The following AFF2 variants were observed in gnomAD, a reference collection of about 807,000 sequenced individuals.
The protein encoded by AFF2 is AF4/FMR2 family member 2.
In AFF2, 14 loss-of-function variants were observed where a neutral mutation model predicts 76.9. The ratio of observed to expected loss-of-function variants is 0.18; its 90% CI spans 0.12 to 0.28. The LOEUF (loss-of-function observed/expected upper bound fraction) is 0.28. Among genes scored for constraint, AFF2 ranks in the 10% least tolerant of loss-of-function variants. The pLI is 1.00. For synonymous variants in AFF2, 398 were observed against 366.7 expected (o/e 1.09, Z -0.98); for missense variants, 868 against 1,001.1 (o/e 0.87, Z 1.79).
At chrX:148,916,041 A>G (rs1200106075) in intron 9 of AFF2, among the ~76,000 whole-genome samples, 5 of 111,240 alleles carry the variant, frequency 4.5e-5, no homozygotes, top group Non-Finnish European at 9.4e-5. Flanking sequence ...CACCCTTACA[A>G]TGACACAGCA....
At chrX:148,785,173 C>G (rs2069802322) in intron 3 of AFF2, among the ~76,000 whole-genome samples, 2 of 112,180 alleles carry the variant, frequency 1.8e-5, no homozygotes, top group African/African-American at 6.5e-5. Flanking sequence ...GTTTGTAGGG[C>G]TCGCTCTACT....
chrX:148,519,655 T>C (rs1361889471), intron 1 of AFF2, among the ~76,000 whole-genome samples: 3 of 112,410 alleles, frequency 2.7e-5, no homozygotes, highest in East Asian at 5.6e-4. Context: ...AATAAGTTAA[T>C]AAGAATGTTT....
chrX:148,886,014 G>A (rs34463921), intron 8 of AFF2, 29 bp downstream of exon 8: 53,012 of 1,096,126 alleles, frequency 0.048, 1,027 homozygotes, highest in Non-Finnish European at 0.058. Flanking sequence ...TTTGTTTTGG[G>A]ATGAAGGGGG....
At chrX:148,699,135 G>A (rs1490954535) in intron 3 of AFF2, among the ~76,000 whole-genome samples, 3 of 112,095 alleles carry the variant, frequency 2.7e-5, no homozygotes, top group African/African-American at 6.5e-5. Context: ...TGTGAGAAGA[G>A]ATTAACAGGG....
At chrX:148,591,696 G>A (rs782062549) in intron 1 of AFF2, among the ~76,000 whole-genome samples, 15 of 111,954 alleles carry the variant, frequency 1.3e-4, no homozygotes, top group Non-Finnish European at 2.3e-4. Flanking sequence ...CCAAGATTAC[G>A]TTTTGTGTAA....
At chrX:148,528,992 C>T (rs1238364372) in intron 1 of AFF2, among the ~76,000 whole-genome samples, 1 of 111,957 alleles carries the variant, frequency 8.9e-6, no homozygotes, top group Non-Finnish European at 1.9e-5. Context: ...CCTTAAGAAA[C>T]ATCTTCTGTT....
intron 1 of AFF2, among the ~76,000 whole-genome samples, chrX:148,594,463 A>G (rs1557247040): frequency 8.9e-6 from 1 of 111,758 alleles, no homozygotes; most frequent in Non-Finnish European, 1.9e-5. Context: ...GATTGATCAC[A>G]TGCCTCTAAT....
intron 1 of AFF2, among the ~76,000 whole-genome samples, chrX:148,534,339 C>T (rs1476756752): frequency 8.9e-6 from 1 of 112,287 alleles, no homozygotes; most frequent in Admixed American, 9.4e-5. Flanking sequence ...TCTGTGACTA[C>T]CATGAAGATC....
intron 9 of AFF2, among the ~76,000 whole-genome samples, chrX:148,944,884 T>C (rs1557285961): frequency 9.0e-6 from 1 of 111,340 alleles, no homozygotes; most frequent in Admixed American, 9.5e-5. Flanking sequence ...ATAGTATCCT[T>C]AAAACTATTT....
chrX:148,936,635 T>G (rs1557285056), intron 9 of AFF2, among the ~76,000 whole-genome samples: 2 of 112,612 alleles, frequency 1.8e-5, no homozygotes, highest in East Asian at 5.6e-4. Flanking sequence ...TGCCTCCAAC[T>G]ATTTTTCTGC....
At position 148,997,709 on chromosome X, in the gene AFF2, C is replaced by T. The variant is rs2072621913; in HGVS notation, c.*6377C>T. 1 of 106,754 alleles carries T rather than the reference C, an allele frequency of 9.4e-6. No homozygotes were observed. The highest frequency in any genetic ancestry group is 3.3e-5 in the African/African-American group (1 of 30,516). The allele number at this position is 106,754 out of a possible 1,213,427, so 8.8% of individuals were successfully genotyped here. A position where few individuals can be genotyped will look rare whatever the true frequency, so the allele number is the denominator to read the frequency against. On this transcript the variant is annotated 3_prime_UTR_variant, in exon 21 of 21. Coordinates refer to ENST00000370460, the MANE Select transcript of AFF2 (RefSeq NM_002025.4). The stretch of plus-strand genomic sequence containing the variant: ...TCCGGGTCTGATTTAATTGGCATTA[C>T]ACTTACACAGGGACTCTGAGCACCC...
chrX:148,771,152 G>T (rs1380171399), intron 3 of AFF2, among the ~76,000 whole-genome samples: 2 of 111,730 alleles, frequency 1.8e-5, no homozygotes, highest in African/African-American at 6.5e-5. Flanking sequence ...AAGGAAGCCC[G>T]CATATGGATT....
At chrX:148,675,030 C>T (rs1368014239) in intron 3 of AFF2, among the ~76,000 whole-genome samples, 1 of 111,766 alleles carries the variant, frequency 8.9e-6, no homozygotes, top group Admixed American at 9.5e-5. Flanking sequence ...TGTGCATGCA[C>T]GTATGCATGT....
At chrX:148,834,845 G>A (rs979343296) in intron 4 of AFF2, among the ~76,000 whole-genome samples, 1 of 112,005 alleles carries the variant, frequency 8.9e-6, no homozygotes, top group Admixed American at 9.5e-5. Flanking sequence ...AAGTGAAAGA[G>A]CTTGCTTGCT....
chrX:148,660,079 AT>A (rs1371075414), intron 2 of AFF2, among the ~76,000 whole-genome samples: 1 of 112,156 alleles, frequency 8.9e-6, no homozygotes, highest in Admixed American at 9.4e-5. Context: ...ACTTCTAAAA[AT>A]ATCTGTCCCT....
chrX:148,588,356 C>T (rs1557246152), intron 1 of AFF2, among the ~76,000 whole-genome samples: 2 of 112,815 alleles, frequency 1.8e-5, no homozygotes, highest in South Asian at 7.2e-4. Context: ...GTGCAGCAGA[C>T]AGTGAAGGTT....
chrX:148,653,542 A>G (rs1179270718), intron 2 of AFF2, among the ~76,000 whole-genome samples: 1 of 112,169 alleles, frequency 8.9e-6, no homozygotes, highest in African/African-American at 3.2e-5. Context: ...TACATGATGA[A>G]AAAAATCATT....
intron 12 of AFF2, among the ~76,000 whole-genome samples, chrX:148,960,057 C>T: frequency 8.9e-6 from 1 of 112,802 alleles, no homozygotes; most frequent in African/African-American, 3.2e-5. Flanking sequence ...CCAAATGTCA[C>T]ACTCAGGGTT....
intron 13 of AFF2, among the ~76,000 whole-genome samples, chrX:148,965,672 C>G (rs1557288574): frequency 8.9e-6 from 1 of 112,124 alleles, no homozygotes; most frequent in Non-Finnish European, 1.9e-5. Flanking sequence ...GCGCTAATGG[C>G]CATGTTGGTA....
Sources: allele counts gnomAD v4.1 joint callset (sites outside exome capture counted in the v4.1 genomes callset), GRCh38; gene constraint gnomAD v4.1.1; transcripts MANE v1.5; gene names NCBI Gene and HGNC (gene_info 2026-07-23, HGNC 2026-07-21).